CFAP119: variants seen among roughly 807,000 people sequenced by gnomAD.
CFAP119 encodes cilia- and flagella-associated protein 119.
chr16:30,758,966 C>T, the CFAP119 span: 11 of 1,611,084 alleles, frequency 6.8e-6, no homozygotes, highest in East Asian at 6.7e-5. Context: ...CTTCATTCTA[C>T]ACCTGCTCAG....
the CFAP119 span, chr16:30,760,789 G>C: frequency 1.2e-6 from 1 of 842,642 alleles, no homozygotes; most frequent in Non-Finnish European, 2.0e-6. Context: ...TTGCCAGCTT[G>C]CTGTGTGACT....
chr16:30,760,096 T>C, the CFAP119 span: 1 of 1,538,408 alleles, frequency 6.5e-7, no homozygotes, highest in South Asian at 1.2e-5. Context: ...CTGTAAAATG[T>C]GTGCTGTATC....
chr16:30,757,936 A>G, the CFAP119 span: 16 of 656,098 alleles, frequency 2.4e-5, no homozygotes, highest in Non-Finnish European at 3.6e-5. Flanking sequence ...CCTTGTATGA[A>G]ATGTGGATAG....
chr16:30,760,599 T>TG, the CFAP119 span: 1 of 1,559,148 alleles, frequency 6.4e-7, no homozygotes, highest in African/African-American at 1.4e-5. Context: ...CCCCCCTCAG[T>TG]CCCTACTCCC....
At chr16:30,761,759 T>C in the CFAP119 span, 3 of 1,513,550 alleles carry the variant, frequency 2.0e-6, no homozygotes, top group Non-Finnish European at 2.7e-6. Flanking sequence ...CTCGCCGCTC[T>C]TCCGTGCCGC....
chr16:30,760,943 G>GT, the CFAP119 span: 1 of 610,966 alleles, frequency 1.6e-6, no homozygotes, highest in South Asian at 2.0e-5. Flanking sequence ...GTGGCCCTCA[G>GT]TGTCCCCCTC....
chr16:30,761,496 G>A, the CFAP119 span: 8 of 1,532,862 alleles, frequency 5.2e-6, no homozygotes, highest in Admixed American at 3.9e-5. Context: ...GCCTGCGGGG[G>A]AGCCGGTTTA....
the CFAP119 span, chr16:30,757,601 C>T: frequency 2.4e-5 from 39 of 1,614,060 alleles, no homozygotes; most frequent in Admixed American, 8.3e-5. Context: ...TGGAGCTGCT[C>T]CAGCTCTTTG....
the CFAP119 span, chr16:30,760,953 C>G: frequency 1.6e-6 from 1 of 610,836 alleles, no homozygotes; most frequent in South Asian, 2.0e-5. Context: ...GTGTCCCCCT[C>G]TGTACAATAC....
the CFAP119 span, chr16:30,759,881 C>T: frequency 2.1e-6 from 3 of 1,447,148 alleles, no homozygotes; most frequent in Non-Finnish European, 2.7e-6. Flanking sequence ...TACTGAATAC[C>T]CACTATATGC....
the CFAP119 span, chr16:30,761,260 GC>G: frequency 1.2e-6 from 2 of 1,613,544 alleles, no homozygotes; most frequent in Non-Finnish European, 1.7e-6. Flanking sequence ...GGGGAAGGCA[GC>G]TGCGGTGTCC....
chr16:30,759,544 G>GA, the CFAP119 span: 1 of 1,614,126 alleles, frequency 6.2e-7, no homozygotes, highest in Non-Finnish European at 8.5e-7. Flanking sequence ...GGAGCAAGGA[G>GA]AGCCCACTGG....
At chr16:30,761,804 G>A in the CFAP119 span, 1 of 1,443,172 alleles carries the variant, frequency 6.9e-7, no homozygotes, top group Non-Finnish European at 9.2e-7. Context: ...TAGGTTCCAG[G>A]ACAGCCAGCG....
At chr16:30,759,527 A>G in the CFAP119 span, 12 of 1,614,084 alleles carry the variant, frequency 7.4e-6, no homozygotes, top group Admixed American at 2.0e-4. Flanking sequence ...CCAAAAGCCC[A>G]GCAACAGGAG....
At chr16:30,758,996 C>G in the CFAP119 span, 1 of 1,614,126 alleles carries the variant, frequency 6.2e-7, no homozygotes, top group Non-Finnish European at 8.5e-7. Flanking sequence ...GCAGCCTGCC[C>G]TCTCCAGATC....
the CFAP119 span, chr16:30,757,912 C>T: frequency 9.6e-6 from 9 of 934,818 alleles, no homozygotes; most frequent in East Asian, 3.6e-5. Flanking sequence ...TTTAACCTAT[C>T]TGTGCCTCAG....
the CFAP119 span, chr16:30,757,990 T>C: frequency 1.7e-5 from 5 of 301,826 alleles, no homozygotes; most frequent in African/African-American, 8.8e-5. Context: ...AATGAGTTAA[T>C]TTATGTAAAA....
chr16:30,762,010 G>C, the CFAP119 span: 272 of 522,464 alleles, frequency 5.2e-4, no homozygotes, highest in Non-Finnish European at 8.3e-4. Flanking sequence ...GCGCAGATAC[G>C]TGAGAAGTTG....
chr16:30,761,540 C>T, the CFAP119 span: 2 of 1,536,168 alleles, frequency 1.3e-6, no homozygotes, highest in Admixed American at 3.9e-5. Context: ...CTGTCCCGCC[C>T]TCACCGGAAA....
Sources: allele counts gnomAD v4.1 joint callset, GRCh38; gene constraint gnomAD v4.1.1; transcripts MANE v1.5; gene names NCBI Gene and HGNC (gene_info 2026-07-23, HGNC 2026-07-21).